The following ATP8A2 variants were observed in gnomAD, a reference collection of about 807,000 sequenced individuals.
The protein encoded by ATP8A2 is ATPase phospholipid transporting 8A2, also known as phospholipid-transporting ATPase IB.
A neutral mutation model predicts 165.6 loss-of-function variants in ATP8A2; 100 were observed. That is an observed-to-expected ratio of 0.60 (90% CI 0.51 to 0.71). The LOEUF is 0.71. Ranked by LOEUF, ATP8A2 falls within the 30% of genes least tolerant of loss-of-function variation. The probability of loss-of-function intolerance (pLI) is 0.00; values close to 1 mark genes in which losing one functional copy is unlikely to be tolerated. For missense variants in ATP8A2, 1,227 were observed against 1,479.5 expected (o/e 0.83, Z 2.80); for synonymous variants, 543 against 548.8 (o/e 0.99, Z 0.15).
chr13:25,726,776 A>T (rs2043503320), intron 25 of ATP8A2, among the ~76,000 whole-genome samples: 1 of 152,204 alleles, frequency 6.6e-6, no homozygotes, highest in African/African-American at 2.4e-5. Context: ...GCTGTTATTC[A>T]GCCTACTACA....
At chr13:25,582,069 G>T in intron 23 of ATP8A2, 112 bp downstream of exon 23, 1 of 1,099,254 alleles carries the variant, frequency 9.1e-7, no homozygotes. Flanking sequence ...ATGTTTTATA[G>T]GAATCTTCAT....
intron 35 of ATP8A2, among the ~76,000 whole-genome samples, chr13:25,983,525 C>T (rs1319251399): frequency 2.0e-5 from 3 of 152,124 alleles, no homozygotes; most frequent in Non-Finnish European, 4.4e-5. Flanking sequence ...TAGGCATATC[C>T]TGTTGTAGAG....
At chr13:25,486,897 TGGA>T (rs1203626197) in intron 2 of ATP8A2, among the ~76,000 whole-genome samples, 1 of 151,674 alleles carries the variant, frequency 6.6e-6, no homozygotes, top group Admixed American at 6.6e-5. Flanking sequence ...GCCTGGGGGG[TGGA>T]GGTTAAAGTG....
chr13:25,539,060 AGTGTGTGTGTGTGT>A (rs57382485), intron 7 of ATP8A2, among the ~76,000 whole-genome samples: 19 of 137,510 alleles, frequency 1.4e-4, no homozygotes, highest in Admixed American at 2.2e-4. Flanking sequence ...TAGAAAATTT[AGTGTGTGTGTGTGT>A]GTGTGTGTGT....
rs1174243477 is a variant in ATP8A2, at chr13:25,465,663, TTTTCTTTCTTTCTTTCTTTCTTTC to T, written c.77-3261_77-3238del. On this transcript the variant is annotated intron_variant, in intron 1 of 36. Coordinates refer to ENST00000381655, the MANE Select transcript of ATP8A2 (RefSeq NM_016529.6). Reference sequence around the variant, plus strand: ...TCACCTCCCCAGAAATCTTGCAGAGTTTTCTTTCTTTCTTTCTTTCTTTCTTTCTTTCTTTCTTTCTTTCTTTCT... The same window carrying T: ...TCACCTCCCCAGAAATCTTGCAGAGTTTTCTTTCTTTCTTTCTTTCTTTCT... Among the ~76,000 whole-genome samples the T allele has an allele frequency of 4.0e-3, 350 of 86,434 alleles. 5 individuals are homozygous for T. Among genetic ancestry groups the T allele is most frequent in the African/African-American group, 0.015 (330 of 21,546 alleles). 56.7% of individuals were successfully genotyped at this position (86,434 alleles called of 152,430 possible).
At chr13:25,545,047 G>C (rs932532542) in intron 10 of ATP8A2, among the ~76,000 whole-genome samples, 32 of 152,008 alleles carry the variant, frequency 2.1e-4, no homozygotes, top group African/African-American at 7.5e-4. Context: ...CGTCTGCTTG[G>C]GGGTACTCAA....
intron 2 of ATP8A2, among the ~76,000 whole-genome samples, chr13:25,526,199 C>G (rs1022916372): frequency 1.3e-5 from 2 of 151,878 alleles, no homozygotes; most frequent in Non-Finnish European, 2.9e-5. Context: ...TTTTGAGTTG[C>G]TTTTCTGTGT....
At chr13:25,923,567 A>G (rs1954520308) in intron 33 of ATP8A2, among the ~76,000 whole-genome samples, 1 of 152,198 alleles carries the variant, frequency 6.6e-6, no homozygotes, top group Non-Finnish European at 1.5e-5. Context: ...GAACAAGTCC[A>G]GATCCCATCC....
chr13:25,950,340 A>G (rs557228189), intron 33 of ATP8A2, among the ~76,000 whole-genome samples: 2 of 152,164 alleles, frequency 1.3e-5, no homozygotes, highest in Non-Finnish European at 2.9e-5. Context: ...ATTTGGTTAG[A>G]CCAACATTTT....
At chr13:25,684,773 A>G (rs2042567036) in intron 24 of ATP8A2, among the ~76,000 whole-genome samples, 1 of 152,144 alleles carries the variant, frequency 6.6e-6, no homozygotes, top group South Asian at 2.1e-4. Flanking sequence ...TGTTCTTCAC[A>G]TAGTTTCAAG....
At chr13:25,439,751 C>A (rs2034879839) in intron 1 of ATP8A2, among the ~76,000 whole-genome samples, 1 of 151,716 alleles carries the variant, frequency 6.6e-6, no homozygotes, top group Non-Finnish European at 1.5e-5. Context: ...CTAATTTTTT[C>A]AAAAATTAGC....
At chr13:25,376,850 CATT>C (rs1374863377) in intron 1 of ATP8A2, among the ~76,000 whole-genome samples, 2 of 152,202 alleles carry the variant, frequency 1.3e-5, no homozygotes, top group East Asian at 3.8e-4. Context: ...CTTTTACTGT[CATT>C]ATCCAGGTGT....
At chr13:25,701,390 G>A (rs1369604652) in intron 25 of ATP8A2, among the ~76,000 whole-genome samples, 1 of 152,170 alleles carries the variant, frequency 6.6e-6, no homozygotes, top group Non-Finnish European at 1.5e-5. Context: ...ACATTGTAAA[G>A]CTGCTGAGTA....
intron 36 of ATP8A2, among the ~76,000 whole-genome samples, chr13:26,014,846 T>C (rs1956931205): frequency 1.3e-5 from 2 of 152,172 alleles, no homozygotes; most frequent in African/African-American, 4.8e-5. Context: ...AAAAAAGAAT[T>C]TTAATGATAT....
At chr13:25,555,501 A>G (rs1481643533) in intron 13 of ATP8A2, among the ~76,000 whole-genome samples, 1 of 152,128 alleles carries the variant, frequency 6.6e-6, no homozygotes, top group African/African-American at 2.4e-5. Flanking sequence ...AGGGAACAGT[A>G]TCTTTTCCAC....
chr13:25,551,554 G>A (rs1219358139), intron 11 of ATP8A2, 51 bp downstream of exon 11: 1 of 1,548,204 alleles, frequency 6.5e-7, no homozygotes, highest in Admixed American at 1.8e-5. Flanking sequence ...CCATTTTTGA[G>A]ATGTTCTTGC....
At chr13:26,009,496 C>G (rs1956801631) in intron 35 of ATP8A2, among the ~76,000 whole-genome samples, 1 of 152,186 alleles carries the variant, frequency 6.6e-6, no homozygotes, top group African/African-American at 2.4e-5. Context: ...AAAAAGCACC[C>G]CTTGGCCACC....
chr13:25,386,750 AC>A (rs1423218818), intron 1 of ATP8A2, among the ~76,000 whole-genome samples: 5 of 151,916 alleles, frequency 3.3e-5, no homozygotes, highest in Non-Finnish European at 5.9e-5. Flanking sequence ...TAATCCCAGC[AC>A]CTCTGGGAGG....
intron 30 of ATP8A2, among the ~76,000 whole-genome samples, chr13:25,841,686 T>C (rs1159929238): frequency 6.6e-6 from 1 of 152,236 alleles, no homozygotes; most frequent in African/African-American, 2.4e-5. Flanking sequence ...TGACAGTAGA[T>C]ATATCAATGT....
Sources: gnomAD v4.1 joint callset for allele counts (sites outside exome capture counted in the v4.1 genomes callset) on GRCh38, gnomAD v4.1.1 for gene constraint, MANE v1.5 for transcripts, NCBI Gene and HGNC (gene_info 2026-07-23, HGNC 2026-07-21) for gene names.